Variants in RANBP17 observed in about 807,000 individuals in gnomAD.
The protein encoded by RANBP17 is RAN binding protein 17.
RANBP17 carries 158 observed loss-of-function variants against 141.2 expected under a neutral mutation model. The ratio of observed to expected loss-of-function variants is 1.12; its 90% CI spans 0.98 to 1.28. The LOEUF is 1.28. RANBP17 is among the 50% of genes most tolerant of loss of function. The pLI is 0.00. For synonymous variants in RANBP17, 430 were observed against 450.0 expected (o/e 0.96, Z 0.56); for missense variants, 1,438 against 1,290.7 (o/e 1.11, Z -1.75).
intron 14 of RANBP17, chr5:171,029,012 G>A (rs2127615106): frequency 2.8e-6 from 3 of 1,072,110 alleles, no homozygotes; most frequent in Middle Eastern, 2.4e-4. Flanking sequence ...CAGTCTATAT[G>A]TTAAGCCAGT....
At chr5:170,946,375 G>A (rs567582232) in intron 12 of RANBP17, among the ~76,000 whole-genome samples, 1 of 152,188 alleles carries the variant, frequency 6.6e-6, no homozygotes, top group South Asian at 2.1e-4. Flanking sequence ...CATTACATAT[G>A]CATTCACCAA....
chr5:171,241,088 T>C lies in RANBP17; in HGVS notation c.2583T>C (p.Asn861=), dbSNP rs755977628. 6.2e-6 allele frequency: 10 copies of C among 1,613,820 alleles called. No homozygotes were observed. In the Admixed American group the frequency reaches 8.3e-5, roughly 13 times the overall value. ...FKLYGDNHFD[N]VLQAFVKMLL... The stretch of plus-strand genomic sequence containing the variant: ...TGTATGGGGACAACCATTTTGACAA[T>C]GTACTCCAGGCTTTTGTCAAAATGC... Residue 861 remains asparagine, a synonymous_variant, in exon 23 of 28, where the codon AAT becomes AAC. Transcript: ENST00000523189.
Position 171,185,495 on chromosome 5 carries a change from G to T in RANBP17, c.2038+2065G>T, listed in dbSNP as rs188290281. Among the ~76,000 whole-genome samples the T allele has an allele frequency of 2.4e-4, 36 of 152,272 alleles. 1 individual carries two copies. The East Asian group carries it at 6.0e-3, about 25-fold the overall frequency. ...CTCTGCTGCCACTTTATCAACTAAG[G>T]TTATGTCATATTCTAAATCTTTTGT... On this transcript the variant is annotated intron_variant, in intron 18 of 27. Coordinates refer to ENST00000523189, the MANE Select transcript of RANBP17 (RefSeq NM_022897.5).
chr5:170,879,161 T>A (rs1355255836), intron 2 of RANBP17, among the ~76,000 whole-genome samples: 1 of 152,174 alleles, frequency 6.6e-6, no homozygotes, highest in Non-Finnish European at 1.5e-5. Context: ...ATTTTATATT[T>A]GAAAGTATCT....
intron 24 of RANBP17, among the ~76,000 whole-genome samples, chr5:171,255,673 T>C (rs770294266): frequency 1.6e-4 from 25 of 152,146 alleles, no homozygotes; most frequent in East Asian, 7.7e-4. Context: ...TTAAAACATA[T>C]AGGGTCAGGG....
intron 22 of RANBP17, among the ~76,000 whole-genome samples, chr5:171,234,530 A>G (rs1023700838): frequency 1.3e-5 from 2 of 152,238 alleles, no homozygotes; most frequent in South Asian, 2.1e-4. Flanking sequence ...AGATAGGACA[A>G]TATTGCAGTA....
chr5:170,930,097 T>A (rs1057012842), intron 12 of RANBP17, among the ~76,000 whole-genome samples: 2 of 152,120 alleles, frequency 1.3e-5, no homozygotes, highest in African/African-American at 4.8e-5. Context: ...GTTGATCTTT[T>A]TAGAGAACTA....
At chr5:171,096,296 C>T (rs940266984) in intron 14 of RANBP17, among the ~76,000 whole-genome samples, 1 of 152,108 alleles carries the variant, frequency 6.6e-6, no homozygotes, top group African/African-American at 2.4e-5. Context: ...CCAAGTAATC[C>T]TTTAAGGAAA....
At chr5:171,231,643 C>T (rs1196412720) in intron 22 of RANBP17, among the ~76,000 whole-genome samples, 1 of 152,110 alleles carries the variant, frequency 6.6e-6, no homozygotes, top group Admixed American at 6.5e-5. Flanking sequence ...AAATTCCTTT[C>T]AACAAATAAG....
intron 14 of RANBP17, among the ~76,000 whole-genome samples, chr5:171,111,279 T>G (rs758044930): frequency 6.6e-6 from 1 of 152,168 alleles, no homozygotes; most frequent in Non-Finnish European, 1.5e-5. Flanking sequence ...GATATAACCA[T>G]TCAGCTTCTC....
At chr5:171,047,672 T>G (rs1490561061) in intron 14 of RANBP17, among the ~76,000 whole-genome samples, 2 of 152,118 alleles carry the variant, frequency 1.3e-5, no homozygotes, top group East Asian at 3.9e-4. Context: ...ACTCCTGACC[T>G]CATGATCCGC....
intron 22 of RANBP17, among the ~76,000 whole-genome samples, chr5:171,232,910 G>C (rs1764289134): frequency 6.6e-6 from 1 of 152,072 alleles, no homozygotes; most frequent in Non-Finnish European, 1.5e-5. Flanking sequence ...CATACATAGT[G>C]CTTCAGTCAA....
Position 171,082,389 on chromosome 5 carries a change from T to C in RANBP17, c.1711-87741T>C, listed in dbSNP as rs183999447. Among the ~76,000 whole-genome samples, 20 of 152,286 alleles carry C rather than the reference T, an allele frequency of 1.3e-4. No individual in the cohort carries two copies. The East Asian group carries it at 3.5e-3, about 26-fold the overall frequency. ...AAAAGAGCCAGTTGATCAGTTCGAA[T>C]AGGTAATTAACTGCTAAGCTTGTAA... On this transcript the variant is annotated intron_variant, in intron 14 of 27. Coordinates refer to ENST00000523189, the MANE Select transcript of RANBP17 (RefSeq NM_022897.5).
Position 171,250,177 on chromosome 5 carries a change from A to C in RANBP17, c.2776+7357A>C, listed in dbSNP as rs1382506142. Among the ~76,000 whole-genome samples, 3 of 152,196 alleles carry C rather than the reference A, an allele frequency of 2.0e-5. No individual in the cohort carries two copies. In the East Asian group the frequency reaches 5.8e-4, roughly 29 times the overall value. On this transcript the variant is annotated intron_variant, in intron 24 of 27. Coordinates refer to ENST00000523189, the MANE Select transcript of RANBP17 (RefSeq NM_022897.5). ...TAAAATTAACCTTTGTAAATGAAGG[A>C]GATATAAAGTCTTTCCAAGAGAAGC...
chr5:171,178,723 T>C (rs1009446502), intron 16 of RANBP17, among the ~76,000 whole-genome samples: 1 of 152,200 alleles, frequency 6.6e-6, no homozygotes, highest in African/African-American at 2.4e-5. Context: ...CTAACTGGCA[T>C]GAGATGGTAT....
intron 22 of RANBP17, among the ~76,000 whole-genome samples, chr5:171,224,668 G>A (rs1156576899): frequency 6.6e-6 from 1 of 152,200 alleles, no homozygotes; most frequent in Non-Finnish European, 1.5e-5. Context: ...TGAAGGGATA[G>A]GAGAAGTGAA....
intron 12 of RANBP17, among the ~76,000 whole-genome samples, chr5:170,942,440 A>G (rs1394357979): frequency 6.6e-6 from 1 of 152,228 alleles, no homozygotes; most frequent in Non-Finnish European, 1.5e-5. Context: ...AATGAACTAT[A>G]CCTAGTGAGT....
intron 14 of RANBP17, among the ~76,000 whole-genome samples, chr5:170,976,832 T>A (rs1472196553): frequency 6.6e-6 from 1 of 152,096 alleles, no homozygotes; most frequent in African/African-American, 2.4e-5. Flanking sequence ...AAGTTAGTCC[T>A]CTCTCTCACA....
chr5:171,068,668 C>G (rs1357597149), intron 14 of RANBP17, among the ~76,000 whole-genome samples: 1 of 152,086 alleles, frequency 6.6e-6, no homozygotes, highest in African/African-American at 2.4e-5. Context: ...CTCATTGCAA[C>G]TTCTGCCTCC....
Sources: gnomAD v4.1 joint callset for allele counts (sites outside exome capture counted in the v4.1 genomes callset) on GRCh38, gnomAD v4.1.1 for gene constraint, MANE v1.5 for transcripts, NCBI Gene and HGNC (gene_info 2026-07-23, HGNC 2026-07-21) for gene names.